Variants in BOC observed in about 807,000 individuals in gnomAD.
BOC encodes the protein BOC cell adhesion associated, oncogene regulated, also known as brother of CDO.
BOC carries 76 observed loss-of-function variants against 112.0 expected under a neutral mutation model. The ratio of observed to expected loss-of-function variants is 0.68; its 90% CI spans 0.56 to 0.82. The LOEUF (loss-of-function observed/expected upper bound fraction) is 0.82. BOC is among the 40% of genes least tolerant of loss of function. BOC has a pLI of 0.00. For missense variants in BOC, 1,309 were observed against 1,511.7 expected (o/e 0.87, Z 2.22); for synonymous variants, 580 against 599.8 (o/e 0.97, Z 0.48).
At chr3:113,264,241 G>A (rs538014502) in intron 4 of BOC, among the ~76,000 whole-genome samples, 9 of 152,156 alleles carry the variant, frequency 5.9e-5, no homozygotes, top group Admixed American at 1.3e-4. Flanking sequence ...TGATTAATGC[G>A]GACAAGTTAA....
At chr3:113,231,142 C>T (rs181673673) in intron 2 of BOC, among the ~76,000 whole-genome samples, 2 of 151,920 alleles carry the variant, frequency 1.3e-5, no homozygotes, top group Non-Finnish European at 2.9e-5. Context: ...GAAATGAGGC[C>T]TATGGGAAGA....
chr3:113,234,812 G>C (rs1028071937), intron 2 of BOC, among the ~76,000 whole-genome samples: 1 of 152,224 alleles, frequency 6.6e-6, no homozygotes, highest in Admixed American at 6.5e-5. Flanking sequence ...GCCATATCCT[G>C]TTGCCTTTTT....
intron 4 of BOC, among the ~76,000 whole-genome samples, chr3:113,265,417 G>T (rs1232194729): frequency 6.6e-6 from 1 of 151,928 alleles, no homozygotes; most frequent in Admixed American, 6.6e-5. Context: ...CCATGGAGGA[G>T]AGTGCTTCAC....
intron 4 of BOC, among the ~76,000 whole-genome samples, chr3:113,255,105 T>G (rs1946088436): frequency 6.6e-6 from 1 of 151,916 alleles, no homozygotes; most frequent in African/African-American, 2.4e-5. Flanking sequence ...TAACCTAAAC[T>G]TTAAAAAAAA....
intron 3 of BOC, among the ~76,000 whole-genome samples, chr3:113,250,117 G>C (rs1329985937): frequency 6.6e-6 from 1 of 152,222 alleles, no homozygotes; most frequent in African/African-American, 2.4e-5. Context: ...TATACCGGAG[G>C]AGGAGGAGAA....
chr3:113,240,816 G>T (rs1394480734), intron 2 of BOC, among the ~76,000 whole-genome samples: 1 of 152,030 alleles, frequency 6.6e-6, no homozygotes, highest in East Asian at 1.9e-4. Flanking sequence ...TTGAGCACTG[G>T]CGGGGGAAGA....
chr3:113,227,185 T>C (rs1941802840), intron 2 of BOC, among the ~76,000 whole-genome samples: 1 of 152,230 alleles, frequency 6.6e-6, no homozygotes, highest in Non-Finnish European at 1.5e-5. Context: ...AATTTGTCTA[T>C]TTGAAGAGTT....
chr3:113,220,840 T>C (rs1475137628), intron 2 of BOC, among the ~76,000 whole-genome samples: 2 of 152,214 alleles, frequency 1.3e-5, no homozygotes, highest in African/African-American at 2.4e-5. Context: ...CAAATAATTC[T>C]GGTTAACATT....
intron 2 of BOC, among the ~76,000 whole-genome samples, chr3:113,227,321 G>A (rs1941826632): frequency 6.6e-6 from 1 of 152,198 alleles, no homozygotes; most frequent in African/African-American, 2.4e-5. Context: ...GCGCATGGTT[G>A]GTTCTACAGT....
rs916834924 is a variant in BOC, at chr3:113,287,176, C to T, written c.*314C>T. 2 of 403,026 alleles carry T rather than the reference C, an allele frequency of 5.0e-6. No homozygotes were observed. The highest frequency in any genetic ancestry group is 1.5e-4 in the East Asian group (2 of 13,658). The allele number at this position is 403,026 out of a possible 1,614,324, so 25.0% of individuals were successfully genotyped here. On this transcript the variant is annotated 3_prime_UTR_variant, in exon 20 of 20. Transcript: ENST00000682979. ...GGCAGGCGAGGCTGCAGGAGGCCCA[C>T]AGATAAGCTGGCAAGAGGAAGGATC...
rs756244198 is a variant in BOC, at chr3:113,272,378, G to A, written c.668-32G>A. On this transcript the variant is annotated intron_variant, in intron 6 of 19. Transcript: ENST00000682979. Reference sequence around the variant, plus strand: ...CTCTACAGGACATCCTGGTCCACACGCCTTCTGTCCTTGCCCTCCTTGCCC... The same window carrying A: ...CTCTACAGGACATCCTGGTCCACACACCTTCTGTCCTTGCCCTCCTTGCCC... The A allele has an allele frequency of 1.1e-5, 17 of 1,603,222 alleles. 1 individual carries two copies. The highest frequency in any genetic ancestry group is 3.4e-4 in the Middle Eastern group (2 of 5,800).
intron 4 of BOC, among the ~76,000 whole-genome samples, chr3:113,262,874 G>A (rs76995638): frequency 6.6e-6 from 1 of 152,202 alleles, no homozygotes; most frequent in African/African-American, 2.4e-5. Flanking sequence ...GGGCAACATA[G>A]TGAGGAGTGT....
Position 113,285,569 on chromosome 3 carries a change from G to A in BOC, c.3160+4G>A, listed in dbSNP as rs1332156920. 6.4e-7 allele frequency: 1 copy of A among 1,567,254 alleles called. No homozygotes were observed. Among genetic ancestry groups the A allele is most frequent in the Non-Finnish European group, 8.7e-7 (1 of 1,155,948 alleles). On this transcript the variant is annotated splice_donor_region_variant and intron_variant, in intron 19 of 19. Coordinates refer to ENST00000682979, the MANE Select transcript of BOC (RefSeq NM_001378074.1). ...TGGGACCCTCCATTTCACTCAGGTT[G>A]GTTCCAGGAGCAGGGCAGGGAAATT...
intron 6 of BOC, chr3:113,272,158 T>C (rs1255007292): frequency 7.0e-6 from 4 of 570,686 alleles, no homozygotes; most frequent in Non-Finnish European, 1.3e-5. Context: ...GCATATGTTA[T>C]GTTGATGCTG....
intron 4 of BOC, among the ~76,000 whole-genome samples, chr3:113,264,273 A>G (rs1010407835): frequency 1.1e-4 from 16 of 152,234 alleles, no homozygotes; most frequent in African/African-American, 3.9e-4. Flanking sequence ...GAAAATGCAC[A>G]AAGAGAGGAT....
At chr3:113,249,445 C>T (rs982294977) in intron 2 of BOC, among the ~76,000 whole-genome samples, 13 of 152,252 alleles carry the variant, frequency 8.5e-5, no homozygotes, top group Non-Finnish European at 1.6e-4. Flanking sequence ...CCCTCCTCCT[C>T]GTTGCTGTCC....
At chr3:113,226,550 C>T (rs376892255) in intron 2 of BOC, among the ~76,000 whole-genome samples, 2 of 152,164 alleles carry the variant, frequency 1.3e-5, no homozygotes, top group African/African-American at 4.8e-5. Context: ...AGAGGAACTG[C>T]GTGTCCAATT....
At chr3:113,283,928 C>T (rs1949430278) in intron 16 of BOC, among the ~76,000 whole-genome samples, 1 of 152,108 alleles carries the variant, frequency 6.6e-6, no homozygotes, top group Non-Finnish European at 1.5e-5. Flanking sequence ...TTCCTACTTA[C>T]AGTCCATCCT....
At position 113,274,304 on chromosome 3, in the gene BOC, C is replaced by G. The variant is rs1296619335; in HGVS notation, c.1235-71C>G. On this transcript the variant is annotated intron_variant, in intron 8 of 19. Transcript: ENST00000682979. The surrounding 1 kb of genome is among the most constrained non-coding windows in gnomAD (Gnocchi z 4.8). ...CCTCTCTGTCTTCTTTCTGTTTTCT[C>G]CCCAGGAACAACAGCTCAGCAGGTA... The G allele has an allele frequency of 7.0e-7, 1 of 1,419,304 alleles. No individual in the cohort carries two copies. The highest frequency in any genetic ancestry group is 9.3e-7 in the Non-Finnish European group (1 of 1,071,358). The allele number at this position is 1,419,304 out of a possible 1,614,324, so 87.9% of individuals were successfully genotyped here.
Sources: gnomAD v4.1 joint callset for allele counts (sites outside exome capture counted in the v4.1 genomes callset) on GRCh38, gnomAD v4.1.1 for gene constraint, Gnocchi (gnomAD v3.1) non-coding constraint, MANE v1.5 for transcripts, NCBI Gene and HGNC (gene_info 2026-07-23, HGNC 2026-07-21) for gene names.